PLD5: variants seen among roughly 807,000 people sequenced by gnomAD.
The protein encoded by PLD5 is phospholipase D family member 5.
In PLD5, 36 loss-of-function variants were observed where a neutral mutation model predicts 61.1. The ratio of observed to expected loss-of-function variants is 0.59; its 90% CI spans 0.45 to 0.78. The LOEUF is 0.78. PLD5 is among the 30% of genes least tolerant of loss of function. The pLI is 0.00. For missense variants in PLD5, 515 were observed against 644.4 expected (o/e 0.80, Z 2.17); for synonymous variants, 243 against 242.8 (o/e 1.00, Z -0.01).
At chr1:242,120,298 A>G (rs1341812560) in intron 6 of PLD5, among the ~76,000 whole-genome samples, 1 of 151,988 alleles carries the variant, frequency 6.6e-6, no homozygotes. Flanking sequence ...TGTATGCTTT[A>G]TTTTTTATTT....
intron 3 of PLD5, among the ~76,000 whole-genome samples, chr1:242,278,145 T>C (rs1289297491): frequency 1.3e-5 from 2 of 151,928 alleles, no homozygotes; most frequent in South Asian, 2.1e-4. Context: ...AAATTTTTGA[T>C]CGTGAGAGGT....
At chr1:242,236,495 T>C (rs1671647173) in intron 4 of PLD5, among the ~76,000 whole-genome samples, 1 of 152,056 alleles carries the variant, frequency 6.6e-6, no homozygotes. Context: ...ATATAAGCAA[T>C]TTCTCCCATC....
chr1:242,266,286 C>T lies in PLD5; in HGVS notation c.496-838G>A, dbSNP rs1185826638. ...TTCCCAGCTACTCAGGAGGCTGAGG[C>T]AGGAGAATTGCTTGAACCTGGGAGG... On this transcript the variant is annotated intron_variant, in intron 3 of 9. Transcript: ENST00000536534. Among the ~76,000 whole-genome samples, 3 of 152,244 alleles carry T rather than the reference C, an allele frequency of 2.0e-5. No homozygotes were observed. The East Asian group carries it at 5.8e-4, about 29-fold the overall frequency.
intron 8 of PLD5, among the ~76,000 whole-genome samples, chr1:242,104,778 C>T (rs1660923295): frequency 6.6e-6 from 1 of 152,198 alleles, no homozygotes; most frequent in Admixed American, 6.5e-5. Flanking sequence ...GCCTTGGACT[C>T]CCAAAACACT....
chr1:242,311,822 C>G (rs1374384493), intron 2 of PLD5, among the ~76,000 whole-genome samples: 1 of 152,184 alleles, frequency 6.6e-6, no homozygotes, highest in Non-Finnish European at 1.5e-5. Flanking sequence ...CTCTCTTCTT[C>G]TGGAACTCTC....
At chr1:242,500,534 C>G (rs975277894) in intron 1 of PLD5, among the ~76,000 whole-genome samples, 1 of 152,170 alleles carries the variant, frequency 6.6e-6, no homozygotes, top group African/African-American at 2.4e-5. Context: ...ACTGTGATAA[C>G]TGATCAAAGA....
intron 9 of PLD5, among the ~76,000 whole-genome samples, chr1:242,091,510 G>T (rs931539254): frequency 6.6e-6 from 1 of 152,120 alleles, no homozygotes; most frequent in African/African-American, 2.4e-5. Flanking sequence ...ATACCCCAAA[G>T]GATACAGTCC....
At chr1:242,237,172 C>T (rs1192275925) in intron 4 of PLD5, among the ~76,000 whole-genome samples, 6 of 152,012 alleles carry the variant, frequency 3.9e-5, no homozygotes, top group Non-Finnish European at 8.8e-5. Context: ...AAACAAACAG[C>T]TTTGGTAGAT....
At chr1:242,289,222 G>A (rs1675209780) in intron 2 of PLD5, among the ~76,000 whole-genome samples, 2 of 152,090 alleles carry the variant, frequency 1.3e-5, no homozygotes, top group Admixed American at 6.5e-5. Flanking sequence ...CAATATATCT[G>A]TTGTATTGTC....
chr1:242,458,409 C>G (rs551368401), intron 1 of PLD5, among the ~76,000 whole-genome samples: 1 of 152,330 alleles, frequency 6.6e-6, no homozygotes, highest in African/African-American at 2.4e-5. Context: ...AGTGACAACC[C>G]TCCCCTATTA....
chr1:242,150,787 A>G (rs899904094), intron 5 of PLD5, among the ~76,000 whole-genome samples: 2 of 151,796 alleles, frequency 1.3e-5, no homozygotes, highest in Non-Finnish European at 2.9e-5. Context: ...TACACCAATT[A>G]TGTTTAATGT....
intron 2 of PLD5, among the ~76,000 whole-genome samples, chr1:242,333,744 A>G (rs1465792414): frequency 1.3e-5 from 2 of 152,208 alleles, no homozygotes; most frequent in Non-Finnish European, 2.9e-5. Context: ...GAGTGAGAAC[A>G]TACGATATTT....
intron 2 of PLD5, among the ~76,000 whole-genome samples, chr1:242,310,372 C>A (rs573655141): frequency 1.4e-4 from 22 of 152,224 alleles, no homozygotes; most frequent in Middle Eastern, 6.8e-3. Flanking sequence ...TATTTCTTTT[C>A]TAGCATACTT....
At chr1:242,259,140 T>G (rs1394495065) in intron 4 of PLD5, among the ~76,000 whole-genome samples, 1 of 152,166 alleles carries the variant, frequency 6.6e-6, no homozygotes, top group East Asian at 1.9e-4. Context: ...AAATACTATG[T>G]GTAAGGCTTA....
intron 1 of PLD5, among the ~76,000 whole-genome samples, chr1:242,371,413 AG>A (rs1661624165): frequency 6.6e-6 from 1 of 152,116 alleles, no homozygotes; most frequent in South Asian, 2.1e-4. Context: ...ACTAATTTTT[AG>A]GAAGTTCCTA....
intron 1 of PLD5, among the ~76,000 whole-genome samples, chr1:242,392,030 G>A (rs1662964385): frequency 6.6e-6 from 1 of 152,136 alleles, no homozygotes; most frequent in South Asian, 2.1e-4. Context: ...CAGTGGATTG[G>A]ATAAAGAAAA....
chr1:242,373,499 A>C (rs149949897), intron 1 of PLD5, among the ~76,000 whole-genome samples: 4,314 of 152,292 alleles, frequency 0.028, 154 homozygotes, highest in East Asian at 0.15. Context: ...ACACATGCTC[A>C]CGTATGTTTA....
chr1:242,245,976 C>T (rs1286381092), intron 4 of PLD5, among the ~76,000 whole-genome samples: 6 of 152,130 alleles, frequency 3.9e-5, no homozygotes, highest in African/African-American at 7.2e-5. Flanking sequence ...GTACCTATCA[C>T]GTGCCAGGTA....
chr1:242,512,167 T>G (rs953907101), intron 1 of PLD5, among the ~76,000 whole-genome samples: 7 of 151,848 alleles, frequency 4.6e-5, no homozygotes. Context: ...ATCCCAGCAC[T>G]TTGGGAGGCC....
Sources: gnomAD v4.1 joint callset for allele counts (sites outside exome capture counted in the v4.1 genomes callset) on GRCh38, gnomAD v4.1.1 for gene constraint, MANE v1.5 for transcripts, NCBI Gene and HGNC (gene_info 2026-07-23, HGNC 2026-07-21) for gene names.